EYS: variants seen among roughly 807,000 people sequenced by gnomAD.
The protein encoded by EYS is protein eyes shut homolog.
EYS carries 250 observed loss-of-function variants against 282.1 expected under a neutral mutation model. The ratio of observed to expected loss-of-function variants is 0.89; its 90% CI spans 0.80 to 0.98. The LOEUF (loss-of-function observed/expected upper bound fraction) is 0.98, where lower values mean the gene tolerates loss of function less well. EYS is among the 50% of genes least tolerant of loss of function. EYS has a pLI of 0.00. For synonymous variants in EYS, 1,355 were observed against 1,282.9 expected, an observed-to-expected ratio of 1.06 and a Z score of -1.20; for missense variants, 4,016 against 3,709.0, an observed-to-expected ratio of 1.08 and a Z score of -2.15.
intron 35 of EYS, among the ~76,000 whole-genome samples, chr6:63,877,240 G>T (rs565443282): frequency 1.3e-5 from 2 of 152,198 alleles, no homozygotes; most frequent in East Asian, 1.9e-4. Context: ...GCTTAGTTTG[G>T]CTGGATATGA....
Position 64,122,740 on chromosome 6 carries a change from G to A in EYS, c.6425-40738C>T, listed in dbSNP as rs180673287. 4.6e-3 allele frequency among the ~76,000 whole-genome samples: 704 copies of A among 152,182 alleles called. 5 individuals are homozygous for A. Among genetic ancestry groups the A allele is most frequent in the African/African-American group, 0.016 (673 of 41,526 alleles). ...TGCTAAACAAACAAATAAATTAGCA[G>A]AATATTTAAGATACTGTAAAGATTA... On this transcript the variant is annotated intron_variant, in intron 31 of 42. Transcript: ENST00000503581.
intron 13 of EYS, among the ~76,000 whole-genome samples, chr6:65,024,500 T>C (rs1772339710): frequency 6.6e-6 from 1 of 152,218 alleles, no homozygotes; most frequent in East Asian, 1.9e-4. Flanking sequence ...GGCTGAGTGT[T>C]CTTCAGAATG....
chr6:63,984,323 G>C (rs1767248804), intron 35 of EYS, 60 bp downstream of exon 35: 1 of 1,236,668 alleles, frequency 8.1e-7, no homozygotes, highest in Non-Finnish European at 1.2e-6. Flanking sequence ...GCTGGCTTTT[G>C]TTGTTTTAAG....
intron 35 of EYS, among the ~76,000 whole-genome samples, chr6:63,975,830 C>T (rs989705689): frequency 1.3e-5 from 2 of 151,972 alleles, no homozygotes; most frequent in African/African-American, 4.8e-5. Context: ...TTACTATTTA[C>T]AGTTATATGT....
chr6:64,890,208 T>C (rs1767243493), intron 18 of EYS, among the ~76,000 whole-genome samples: 1 of 152,108 alleles, frequency 6.6e-6, no homozygotes, highest in Non-Finnish European at 1.5e-5. Flanking sequence ...CCTGATAAGA[T>C]GTTATCAATG....
chr6:65,509,075 A>T (rs918952962), intron 2 of EYS, among the ~76,000 whole-genome samples: 1 of 152,216 alleles, frequency 6.6e-6, no homozygotes, highest in Admixed American at 6.5e-5. Context: ...CCCAATGAGT[A>T]AACTGGAGAT....
intron 14 of EYS, among the ~76,000 whole-genome samples, chr6:64,957,161 G>T (rs1160275382): frequency 6.6e-6 from 1 of 152,084 alleles, no homozygotes; most frequent in East Asian, 1.9e-4. Context: ...GCCAAGACTT[G>T]CAAGCAACCT....
intron 33 of EYS, among the ~76,000 whole-genome samples, chr6:64,006,843 C>T (rs574823244): frequency 6.6e-6 from 1 of 152,152 alleles, no homozygotes; most frequent in Non-Finnish European, 1.5e-5. Context: ...AGGATAGAGC[C>T]TACTTGGTCA....
intron 28 of EYS, among the ~76,000 whole-genome samples, chr6:64,399,805 T>C (rs1773488593): frequency 6.6e-6 from 1 of 151,970 alleles, no homozygotes; most frequent in African/African-American, 2.4e-5. Flanking sequence ...TGTACAAAAA[T>C]ATCTCTTATA....
intron 2 of EYS, among the ~76,000 whole-genome samples, chr6:65,523,796 C>T (rs980463699): frequency 1.3e-5 from 2 of 152,224 alleles, no homozygotes; most frequent in East Asian, 1.9e-4. Flanking sequence ...GTTCTCCAGA[C>T]GGATGGTTTG....
At chr6:65,223,758 T>C (rs841548) in intron 12 of EYS, among the ~76,000 whole-genome samples, 1 of 152,068 alleles carries the variant, frequency 6.6e-6, no homozygotes, top group Non-Finnish European at 1.5e-5. Context: ...AGCAGACAGA[T>C]GAAAAAGCCT....
At chr6:65,411,352 A>G (rs991474377) in intron 5 of EYS, among the ~76,000 whole-genome samples, 57 of 152,228 alleles carry the variant, frequency 3.7e-4, no homozygotes, top group Admixed American at 3.1e-3. Flanking sequence ...TAACATAGTA[A>G]ACAGTGAAAT....
At chr6:65,537,876 C>T (rs1332895849) in intron 2 of EYS, among the ~76,000 whole-genome samples, 1 of 152,180 alleles carries the variant, frequency 6.6e-6, no homozygotes, top group East Asian at 1.9e-4. Context: ...AGCAGGATCC[C>T]TGCAGTAAGT....
intron 2 of EYS, among the ~76,000 whole-genome samples, chr6:65,552,238 T>A (rs1419335716): frequency 6.6e-6 from 1 of 152,220 alleles, no homozygotes. Flanking sequence ...TTATCTCGAC[T>A]ACTTTGCTAG....
intron 33 of EYS, among the ~76,000 whole-genome samples, chr6:64,016,163 C>T (rs1334211720): frequency 6.6e-6 from 1 of 152,132 alleles, no homozygotes; most frequent in Non-Finnish European, 1.5e-5. Flanking sequence ...TGACAGAGAC[C>T]TTCACAGGGG....
chr6:64,303,597 C>T (rs989973877), intron 30 of EYS, among the ~76,000 whole-genome samples: 5 of 152,028 alleles, frequency 3.3e-5, no homozygotes, highest in African/African-American at 9.7e-5. Flanking sequence ...AATCCCAGCA[C>T]TTTGGGAGGC....
chr6:65,356,119 C>T (rs922381696), intron 8 of EYS, among the ~76,000 whole-genome samples: 2 of 151,972 alleles, frequency 1.3e-5, no homozygotes, highest in Admixed American at 6.6e-5. Context: ...ATTGTTTATA[C>T]ACACATACAC....
intron 35 of EYS, among the ~76,000 whole-genome samples, chr6:63,980,556 T>C (rs901545430): frequency 6.6e-6 from 1 of 151,856 alleles, no homozygotes; most frequent in African/African-American, 2.4e-5. Context: ...ACTTTGAAAA[T>C]AAAGTAATAT....
intron 5 of EYS, among the ~76,000 whole-genome samples, chr6:65,434,713 ATACTT>A (rs1385339549): frequency 6.6e-6 from 1 of 151,580 alleles, no homozygotes; most frequent in African/African-American, 2.4e-5. Context: ...ATCTCTCATC[ATACTT>A]CTTCTCCTGA....
Sources: allele counts gnomAD v4.1 joint callset (sites outside exome capture counted in the v4.1 genomes callset), GRCh38; gene constraint gnomAD v4.1.1; transcripts MANE v1.5; gene names NCBI Gene and HGNC (gene_info 2026-07-23, HGNC 2026-07-21).